The following VSTM2B variants were observed in gnomAD, a reference collection of about 807,000 sequenced individuals.
VSTM2B encodes V-set and transmembrane domain containing 2B.
VSTM2B carries 24 observed loss-of-function variants against 24.0 expected under a neutral mutation model. That is an observed-to-expected ratio of 1.00 (90% CI 0.72 to 1.40). VSTM2B has a LOEUF of 1.40. Ranked by LOEUF, VSTM2B falls within the 40% of genes most tolerant of loss-of-function variation. The pLI is 0.00. For missense variants in VSTM2B, 399 were observed against 416.4 expected (o/e 0.96, Z 0.36); for synonymous variants, 226 against 194.4 (o/e 1.16, Z -1.35).
chr19:29,527,467 G>A, intron 2 of VSTM2B, 72 bp downstream of exon 2: 1 of 1,324,760 alleles, frequency 7.5e-7, no homozygotes, highest in South Asian at 1.7e-5. Context: ...AACCCAGGGA[G>A]GGAAGCAGCG....
chr19:29,528,964 G>T (rs2145459385), intron 3 of VSTM2B: 2 of 985,468 alleles, frequency 2.0e-6, no homozygotes, highest in South Asian at 4.7e-5. Context: ...CGGGGTAGGG[G>T]GTGGTTGTGC....
At chr19:29,534,399 G>A (rs1969836214) in intron 4 of VSTM2B, among the ~76,000 whole-genome samples, 1 of 152,192 alleles carries the variant, frequency 6.6e-6, no homozygotes, top group Non-Finnish European at 1.5e-5. Flanking sequence ...GGAGAAGGGT[G>A]GGCTGAGGAC....
intron 4 of VSTM2B, among the ~76,000 whole-genome samples, chr19:29,559,403 T>C (rs1001698578): frequency 1.3e-5 from 2 of 151,726 alleles, no homozygotes; most frequent in African/African-American, 2.4e-5. Context: ...TAAGTGGGAG[T>C]TGAACAATGA....
intron 4 of VSTM2B, among the ~76,000 whole-genome samples, chr19:29,534,826 C>G (rs11672506): frequency 0.18 from 28,043 of 152,068 alleles, 2,914 homozygotes; most frequent in East Asian, 0.43. Context: ...CCCAAATAGT[C>G]CCCCATTAAG....
intron 4 of VSTM2B, among the ~76,000 whole-genome samples, chr19:29,538,296 G>C (rs1201708541): frequency 6.6e-6 from 1 of 152,178 alleles, no homozygotes; most frequent in Non-Finnish European, 1.5e-5. Flanking sequence ...CGATTCCTAT[G>C]CCAGAGAGTG....
At chr19:29,553,267 G>T (rs902786128) in intron 4 of VSTM2B, among the ~76,000 whole-genome samples, 1 of 152,178 alleles carries the variant, frequency 6.6e-6, no homozygotes, top group African/African-American at 2.4e-5. Context: ...TTGCTGTTCT[G>T]TAGCCTCCAC....
intron 4 of VSTM2B, among the ~76,000 whole-genome samples, chr19:29,550,141 G>A (rs561075601): frequency 1.3e-5 from 2 of 152,366 alleles, no homozygotes; most frequent in East Asian, 3.9e-4. Flanking sequence ...TCTGACTAAA[G>A]ATCTGTTATA....
intron 4 of VSTM2B, among the ~76,000 whole-genome samples, chr19:29,562,725 T>C (rs1382223299): frequency 6.6e-6 from 1 of 152,098 alleles, no homozygotes; most frequent in Non-Finnish European, 1.5e-5. Context: ...ACTTTCCAGG[T>C]GAGAAGCCCA....
chr19:29,545,481 C>T (rs181930600), intron 4 of VSTM2B, among the ~76,000 whole-genome samples: 173 of 152,226 alleles, frequency 1.1e-3, no homozygotes, highest in Non-Finnish European at 2.1e-3. Flanking sequence ...GGCGTGCTGG[C>T]ACATGCCTGT....
Position 29,529,844 on chromosome 19 carries a change from T to C in VSTM2B, c.323T>C (p.Ile108Thr). Residue 108 changes from isoleucine (I) to threonine (T), a missense_variant, in exon 4 of 5, where the codon ATC (isoleucine) becomes ACC (threonine). Transcript: ENST00000335523. ...ISTVRVQGND[I>T]SHRLRLSAVR... is the part of the protein sequence containing the mutation. Reference sequence around the variant, plus strand: ...ACCGTACGCGTCCAGGGCAATGACATCTCACACCGGCTTCGGCTGTCTGCC... The same window carrying C: ...ACCGTACGCGTCCAGGGCAATGACACCTCACACCGGCTTCGGCTGTCTGCC... 6.5e-7 allele frequency: 1 copy of C among 1,549,946 alleles called. No homozygotes were observed. The highest frequency in any genetic ancestry group is 8.7e-7 in the Non-Finnish European group (1 of 1,146,656).
upstream of VSTM2B, chr19:29,525,435 G>T (rs1179245986): frequency 6.6e-6 from 1 of 151,840 alleles, no homozygotes; most frequent in Non-Finnish European, 1.5e-5. Flanking sequence ...GCCGCTGCGG[G>T]CTGGCTAGCG....
chr19:29,540,284 A>C (rs777196387), intron 4 of VSTM2B, among the ~76,000 whole-genome samples: 11 of 152,198 alleles, frequency 7.2e-5, no homozygotes, highest in Non-Finnish European at 1.2e-4. Flanking sequence ...GTAGGAGCTC[A>C]TGGTCTAGTT....
At chr19:29,539,530 G>A (rs1203089487) in intron 4 of VSTM2B, among the ~76,000 whole-genome samples, 2 of 152,194 alleles carry the variant, frequency 1.3e-5, no homozygotes, top group African/African-American at 2.4e-5. Context: ...TACAGAGATA[G>A]AGTGAGAGAG....
chr19:29,561,676 A>G (rs1269970281), intron 4 of VSTM2B, among the ~76,000 whole-genome samples: 1 of 152,130 alleles, frequency 6.6e-6, no homozygotes, highest in Admixed American at 6.5e-5. Context: ...GGCCCATGGG[A>G]CCAGTCTGGC....
intron 4 of VSTM2B, among the ~76,000 whole-genome samples, chr19:29,562,102 C>T (rs1194463834): frequency 1.3e-5 from 2 of 152,210 alleles, no homozygotes; most frequent in African/African-American, 2.4e-5. Context: ...GATAGCACCA[C>T]CCACTTTGCA....
intron 4 of VSTM2B, among the ~76,000 whole-genome samples, chr19:29,540,028 A>G (rs553787107): frequency 6.6e-6 from 1 of 152,364 alleles, no homozygotes; most frequent in South Asian, 2.1e-4. Context: ...GGTTTTCTTT[A>G]AGGCAGGAAA....
At position 29,563,882 on chromosome 19, in the gene VSTM2B, C is replaced by G. The variant is rs1374937432; in HGVS notation, c.806C>G (p.Ser269Cys). Residue 269 changes from serine (S) to cysteine (C), a missense_variant, in exon 5 of 5, where the codon TCC becomes TGC. Ser to Cys is a moderately radical substitution (Grantham distance 112). Transcript: ENST00000335523. ...AGCTACACCACAGACCCACTCTTGT[C>G]CCTGCTCCTGTTAGCTCTGCATAAG... ...GRSYTTDPLL[S>C]LLLLALHKFL... The G allele has an allele frequency of 6.4e-7, 1 of 1,552,366 alleles. No homozygotes were observed. Among genetic ancestry groups the G allele is most frequent in the Non-Finnish European group, 8.7e-7 (1 of 1,147,132 alleles).
chr19:29,534,763 A>G (rs2145474135), intron 4 of VSTM2B, among the ~76,000 whole-genome samples: 1 of 151,906 alleles, frequency 6.6e-6, no homozygotes, highest in Non-Finnish European at 1.5e-5. Flanking sequence ...AAAGAGGCTC[A>G]GGACACTGGC....
chr19:29,525,970 T>C (rs1174696909), upstream of VSTM2B, among the ~76,000 whole-genome samples: 21 of 150,624 alleles, frequency 1.4e-4, no homozygotes, highest in Non-Finnish European at 2.5e-4. Flanking sequence ...GCCCCCTCCC[T>C]TCCCCTCCCC....
Sources: allele counts gnomAD v4.1 joint callset (sites outside exome capture counted in the v4.1 genomes callset), GRCh38; gene constraint gnomAD v4.1.1; transcripts MANE v1.5; gene names NCBI Gene and HGNC (gene_info 2026-07-23, HGNC 2026-07-21).